Variants in IL17RD observed in about 807,000 individuals in gnomAD.
The protein encoded by IL17RD is interleukin-17 receptor D.
Under a neutral mutation model 80.5 loss-of-function variants are expected in IL17RD, and 52 were observed. The ratio of observed to expected loss-of-function variants is 0.65; its 90% CI spans 0.52 to 0.81. The LOEUF (loss-of-function observed/expected upper bound fraction) is 0.81, where lower values mean the gene tolerates loss of function less well. IL17RD is among the 40% of genes least tolerant of loss of function. The pLI is 0.00. For missense variants in IL17RD, 1,024 were observed against 955.1 expected, an observed-to-expected ratio of 1.07 and a Z score of -0.95; for synonymous variants, 416 against 391.8, an observed-to-expected ratio of 1.06 and a Z score of -0.73.
chr3:57,121,300 A>G (rs1707332677), intron 1 of IL17RD, among the ~76,000 whole-genome samples: 1 of 152,178 alleles, frequency 6.6e-6, no homozygotes, highest in African/African-American at 2.4e-5. Flanking sequence ...CAAAATGTGG[A>G]GAACACTTCT....
At chr3:57,146,499 C>T (rs1707932359) in intron 1 of IL17RD, among the ~76,000 whole-genome samples, 1 of 151,906 alleles carries the variant, frequency 6.6e-6, no homozygotes, top group African/African-American at 2.4e-5. Flanking sequence ...GCCTGTAATC[C>T]CAGCACGTTG....
intron 1 of IL17RD, among the ~76,000 whole-genome samples, chr3:57,152,756 A>G (rs561818661): frequency 2.4e-4 from 37 of 152,360 alleles, no homozygotes; most frequent in African/African-American, 8.4e-4. Context: ...AACTGTCTGT[A>G]ACGGACTCTA....
In IL17RD at chr3:57,094,606, C is replaced by G. The variant is rs1359572907; in HGVS notation, c.*1787G>C. The G allele has an allele frequency of 3.9e-5, 6 of 152,320 alleles. No individual in the cohort carries two copies. Among genetic ancestry groups the G allele is most frequent in the Admixed American group, 3.9e-4 (6 of 15,302 alleles). The allele number at this position is 152,320 out of a possible 1,614,324, so 9.4% of individuals were successfully genotyped here. A position where few individuals can be genotyped will look rare whatever the true frequency, so the allele number is the denominator to read the frequency against. ...GGTTCCTCTGGGACAGGAAACATCTCTTGGCCTCAATAAGAAATCTCTCAT... is the reference window on the plus strand; with the variant it reads ...GGTTCCTCTGGGACAGGAAACATCTGTTGGCCTCAATAAGAAATCTCTCAT... On this transcript the variant is annotated 3_prime_UTR_variant, in exon 13 of 13. Coordinates refer to ENST00000296318, the MANE Select transcript of IL17RD (RefSeq NM_017563.5).
At chr3:57,137,649 C>A (rs888350042) in intron 1 of IL17RD, among the ~76,000 whole-genome samples, 3 of 152,194 alleles carry the variant, frequency 2.0e-5, no homozygotes. Context: ...TTCCCTGCCC[C>A]TAATACAGAT....
intron 3 of IL17RD, 45 bp downstream of exon 3, chr3:57,114,647 T>C (rs1458032027): frequency 1.3e-6 from 2 of 1,550,266 alleles, no homozygotes; most frequent in Admixed American, 4.0e-5. Flanking sequence ...CACTGGGCCC[T>C]ATCCACCCAG....
intron 1 of IL17RD, among the ~76,000 whole-genome samples, chr3:57,120,741 C>T (rs1707318881): frequency 6.6e-6 from 1 of 152,170 alleles, no homozygotes; most frequent in Admixed American, 6.5e-5. Context: ...GACAGATAGG[C>T]AATTCCTCAA....
At chr3:57,146,049 A>G (rs1028061264) in intron 1 of IL17RD, among the ~76,000 whole-genome samples, 3 of 149,198 alleles carry the variant, frequency 2.0e-5, no homozygotes, top group Admixed American at 6.8e-5. Flanking sequence ...GCGCGCGCAC[A>G]CACACACACA....
chr3:57,138,411 G>T (rs1258410095), intron 1 of IL17RD, among the ~76,000 whole-genome samples: 1 of 152,174 alleles, frequency 6.6e-6, no homozygotes, highest in African/African-American at 2.4e-5. Context: ...GAGGGTGGAA[G>T]ACTGGAGCGA....
chr3:57,154,279 T>TACAC (rs779041353), intron 1 of IL17RD, among the ~76,000 whole-genome samples: 1 of 126,336 alleles, frequency 7.9e-6, no homozygotes, highest in Admixed American at 8.6e-5. Context: ...TATATATATA[T>TACAC]ATATACACAC....
At position 57,093,674 on chromosome 3, in the gene IL17RD, C is replaced by T. The variant is rs1706607418; in HGVS notation, c.*2719G>A. 1 of 152,192 alleles carries T rather than the reference C, an allele frequency of 6.6e-6. No individual in the cohort carries two copies. The highest frequency in any genetic ancestry group is 1.5e-5 in the Non-Finnish European group (1 of 68,056). The allele number at this position is 152,192 out of a possible 1,614,324, so 9.4% of individuals were successfully genotyped here. A position where few individuals can be genotyped will look rare whatever the true frequency, so the allele number is the denominator to read the frequency against. ...AATTGCCTCAAAGGCCCAAGACAGC[C>T]CTCTGGAGGAGCTTTGGCACCTTGT... On this transcript the variant is annotated 3_prime_UTR_variant, in exon 13 of 13. Coordinates refer to ENST00000296318, the MANE Select transcript of IL17RD (RefSeq NM_017563.5).
intron 5 of IL17RD, 127 bp downstream of exon 5, chr3:57,109,410 G>A: frequency 1.1e-6 from 1 of 948,370 alleles, no homozygotes; most frequent in East Asian, 2.7e-5. Flanking sequence ...CTCCCAAAGT[G>A]CTGGGATTAG....
chr3:57,101,572 AC>A (rs1190115697), intron 10 of IL17RD, among the ~76,000 whole-genome samples: 1 of 152,212 alleles, frequency 6.6e-6, no homozygotes, highest in African/African-American at 2.4e-5. Flanking sequence ...ATTGTTCTTT[AC>A]CTGAAATTGA....
At chr3:57,107,213 C>G (rs186147199) in intron 5 of IL17RD, among the ~76,000 whole-genome samples, 9 of 152,068 alleles carry the variant, frequency 5.9e-5, no homozygotes, top group Admixed American at 4.6e-4. Flanking sequence ...CCCGTTTCTA[C>G]TAAAAATACA....
At chr3:57,112,144 G>A (rs930523803) in intron 3 of IL17RD, among the ~76,000 whole-genome samples, 2 of 152,120 alleles carry the variant, frequency 1.3e-5, no homozygotes, top group Admixed American at 1.3e-4. Flanking sequence ...TTAACACCTT[G>A]TAGTTATGTA....
At chr3:57,117,838 T>C (rs1475204273) in intron 2 of IL17RD, among the ~76,000 whole-genome samples, 4 of 152,216 alleles carry the variant, frequency 2.6e-5, no homozygotes, top group East Asian at 3.8e-4. Flanking sequence ...AAATGACATT[T>C]TCCCAAAATG....
At chr3:57,127,521 T>C (rs1220124867) in intron 1 of IL17RD, among the ~76,000 whole-genome samples, 3 of 150,420 alleles carry the variant, frequency 2.0e-5, no homozygotes, top group Non-Finnish European at 4.4e-5. Context: ...TTTTTTTGCC[T>C]CAGCTTCCCA....
chr3:57,117,600 C>T (rs138627025), intron 2 of IL17RD, among the ~76,000 whole-genome samples: 231 of 152,226 alleles, frequency 1.5e-3, no homozygotes, highest in Admixed American at 1.9e-3. Context: ...TAGAAAAATA[C>T]GATTTTTAGT....
At chr3:57,123,652 G>C (rs1707386643) in intron 1 of IL17RD, among the ~76,000 whole-genome samples, 1 of 152,186 alleles carries the variant, frequency 6.6e-6, no homozygotes, top group African/African-American at 2.4e-5. Flanking sequence ...CAATTCCACA[G>C]AAAATCAGAG....
intron 1 of IL17RD, among the ~76,000 whole-genome samples, chr3:57,125,578 A>T (rs1001994165): frequency 3.3e-5 from 5 of 152,202 alleles, no homozygotes; most frequent in African/African-American, 9.7e-5. Context: ...GTACTGCAGG[A>T]CAAGTTACAA....
Sources: allele counts gnomAD v4.1 joint callset (sites outside exome capture counted in the v4.1 genomes callset), GRCh38; gene constraint gnomAD v4.1.1; transcripts MANE v1.5; gene names NCBI Gene and HGNC (gene_info 2026-07-23, HGNC 2026-07-21).